Variants in ADAMTSL3 observed in about 807,000 individuals in gnomAD.
ADAMTSL3 encodes ADAMTS like 3.
Under a neutral mutation model 201.7 loss-of-function variants are expected in ADAMTSL3, and 128 were observed. That is an observed-to-expected ratio of 0.63 (90% CI 0.55 to 0.73). ADAMTSL3 has a LOEUF of 0.73. ADAMTSL3 is among the 30% of genes least tolerant of loss of function. The pLI is 0.00. For missense variants in ADAMTSL3, 1,990 were observed against 2,119.6 expected (o/e 0.94, Z 1.20); for synonymous variants, 738 against 748.4 (o/e 0.99, Z 0.23).
intron 3 of ADAMTSL3, among the ~76,000 whole-genome samples, chr15:83,744,963 G>T (rs2062520790): frequency 6.6e-6 from 1 of 152,202 alleles, no homozygotes; most frequent in Non-Finnish European, 1.5e-5. Context: ...TGGAACCCCA[G>T]CCCAAAGTGA....
chr15:83,973,731 C>T (rs929989871), intron 20 of ADAMTSL3, among the ~76,000 whole-genome samples: 8 of 151,996 alleles, frequency 5.3e-5, no homozygotes, highest in African/African-American at 1.7e-4. Flanking sequence ...CGTGATTTTC[C>T]TCTCTGTTTC....
chr15:83,738,947 G>GA (rs768448524), intron 3 of ADAMTSL3, among the ~76,000 whole-genome samples: 2 of 112,746 alleles, frequency 1.8e-5, no homozygotes, highest in Non-Finnish European at 1.8e-5. Flanking sequence ...CAGTCCACAA[G>GA]AAAAAAAATA....
chr15:83,724,456 G>A (rs1466544520), intron 3 of ADAMTSL3, among the ~76,000 whole-genome samples: 1 of 151,972 alleles, frequency 6.6e-6, no homozygotes, highest in Admixed American at 6.6e-5. Flanking sequence ...TATGGGGTAT[G>A]TGAGATATTT....
At position 83,696,030 on chromosome 15, in the gene ADAMTSL3, A is replaced by C. The variant is rs1307975430; in HGVS notation, c.70-8359A>C. Among the ~76,000 whole-genome samples, 3 of 152,180 alleles carry C rather than the reference A, an allele frequency of 2.0e-5. No individual in the cohort carries two copies. In the East Asian group the frequency reaches 5.8e-4, roughly 29 times the overall value. ...AACTGTAAAGTCCCATGTGCCATCC[A>C]GGCCAGGGGGAATAGCCCCTGAGGC... On this transcript the variant is annotated intron_variant, in intron 2 of 29. Transcript: ENST00000286744.
chr15:84,003,401 G>A (rs1053447693), intron 23 of ADAMTSL3, among the ~76,000 whole-genome samples: 6 of 152,138 alleles, frequency 3.9e-5, no homozygotes, highest in Admixed American at 2.6e-4. Context: ...CAGGAGCCTC[G>A]TATCCTCCTC....
At chr15:83,751,528 G>T (rs1481370391) in intron 3 of ADAMTSL3, among the ~76,000 whole-genome samples, 2 of 152,158 alleles carry the variant, frequency 1.3e-5, no homozygotes, top group Admixed American at 1.3e-4. Flanking sequence ...AAATCTGTGG[G>T]TGTTGGTGCT....
At chr15:83,851,018 G>T (rs12902891) in intron 7 of ADAMTSL3, among the ~76,000 whole-genome samples, 1,834 of 152,286 alleles carry the variant, frequency 0.012, 25 homozygotes, top group South Asian at 0.046. Flanking sequence ...GCTGCTGCTG[G>T]TCGGGCACAT....
chr15:83,874,158 C>T (rs988576603), intron 9 of ADAMTSL3, among the ~76,000 whole-genome samples: 6 of 139,806 alleles, frequency 4.3e-5, no homozygotes, highest in Admixed American at 7.0e-5. Flanking sequence ...CCTCTCCTGG[C>T]GCCAGGACAA....
At chr15:83,683,714 A>G (rs1454995229) in intron 2 of ADAMTSL3, among the ~76,000 whole-genome samples, 1 of 152,172 alleles carries the variant, frequency 6.6e-6, no homozygotes, top group Non-Finnish European at 1.5e-5. Context: ...GTCCCTGTCC[A>G]TCCAGTACTG....
intron 4 of ADAMTSL3, among the ~76,000 whole-genome samples, chr15:83,791,243 T>C (rs144818429): frequency 1.4e-3 from 209 of 152,320 alleles, no homozygotes; most frequent in African/African-American, 4.7e-3. Flanking sequence ...ATCTTAAAAT[T>C]TGTATGGAAC....
intron 20 of ADAMTSL3, among the ~76,000 whole-genome samples, chr15:83,971,873 CAT>C (rs10601362): frequency 0.018 from 2,570 of 146,452 alleles, 79 homozygotes; most frequent in African/African-American, 0.058. Flanking sequence ...GAGAGGAAAA[CAT>C]ATATATATAT....
chr15:83,657,232 CCTT>C (rs1052558997), intron 2 of ADAMTSL3, among the ~76,000 whole-genome samples: 2 of 151,954 alleles, frequency 1.3e-5, no homozygotes, highest in Admixed American at 6.6e-5. Context: ...GTTCATTTTG[CCTT>C]CTTTCACCTT....
At chr15:83,813,276 G>A (rs1469649058) in intron 5 of ADAMTSL3, among the ~76,000 whole-genome samples, 2 of 152,144 alleles carry the variant, frequency 1.3e-5, no homozygotes, top group Non-Finnish European at 2.9e-5. Context: ...TCAGAGAAAG[G>A]AAATCCTCCA....
intron 19 of ADAMTSL3, among the ~76,000 whole-genome samples, chr15:83,955,836 C>T (rs899177587): frequency 6.6e-6 from 1 of 151,894 alleles, no homozygotes; most frequent in African/African-American, 2.4e-5. Flanking sequence ...TCTCCTCAAG[C>T]AGAAGGAAGG....
intron 13 of ADAMTSL3, among the ~76,000 whole-genome samples, chr15:83,893,942 C>T (rs1474806973): frequency 6.6e-6 from 1 of 152,130 alleles, no homozygotes; most frequent in East Asian, 1.9e-4. Flanking sequence ...CATATATGTG[C>T]ATTAATATAT....
intron 23 of ADAMTSL3, among the ~76,000 whole-genome samples, chr15:83,997,424 C>G (rs2067707943): frequency 6.6e-6 from 1 of 152,044 alleles, no homozygotes; most frequent in Non-Finnish European, 1.5e-5. Context: ...CCTGTCTCTA[C>G]TAAAAATACA....
chr15:83,730,315 G>C (rs73454648), intron 3 of ADAMTSL3, among the ~76,000 whole-genome samples: 1 of 152,090 alleles, frequency 6.6e-6, no homozygotes, highest in Non-Finnish European at 1.5e-5. Flanking sequence ...ATGAGGCCAG[G>C]GGCACTGACT....
intron 17 of ADAMTSL3, among the ~76,000 whole-genome samples, chr15:83,933,987 G>C (rs1220700670): frequency 6.6e-6 from 1 of 152,212 alleles, no homozygotes; most frequent in East Asian, 1.9e-4. Context: ...GAGAACCTCT[G>C]CTGGGGCAAT....
chr15:83,864,362 C>T (rs1277965460), intron 8 of ADAMTSL3, among the ~76,000 whole-genome samples: 1 of 152,180 alleles, frequency 6.6e-6, no homozygotes, highest in Admixed American at 6.5e-5. Context: ...CAAAAATCCT[C>T]AATAAAATTC....
Sources: allele counts gnomAD v4.1 joint callset (sites outside exome capture counted in the v4.1 genomes callset), GRCh38; gene constraint gnomAD v4.1.1; transcripts MANE v1.5; gene names NCBI Gene and HGNC (gene_info 2026-07-23, HGNC 2026-07-21).